Variants in GDAP2 observed in about 807,000 individuals in gnomAD.
The protein encoded by GDAP2 is ganglioside-induced differentiation-associated protein 2.
A neutral mutation model predicts 67.0 loss-of-function variants in GDAP2; 51 were observed. The observed-to-expected ratio is 0.76, with a 90% CI of 0.61 to 0.96. The LOEUF (loss-of-function observed/expected upper bound fraction) is 0.96. Ranked by LOEUF, GDAP2 falls within the 40% of genes least tolerant of loss-of-function variation. GDAP2 has a pLI of 0.00. For missense variants in GDAP2, 547 were observed against 588.3 expected, an observed-to-expected ratio of 0.93 and a Z score of 0.73; for synonymous variants, 203 against 207.3, an observed-to-expected ratio of 0.98 and a Z score of 0.18.
intron 5 of GDAP2, among the ~76,000 whole-genome samples, chr1:117,908,145 G>A (rs1649724691): frequency 6.6e-6 from 1 of 151,862 alleles, no homozygotes; most frequent in African/African-American, 2.4e-5. Flanking sequence ...ACCTAGCCAA[G>A]AGCCATCTCC....
In GDAP2 at chr1:117,920,177, A is replaced by G. The variant is rs769405824; in HGVS notation, c.176+5T>C. 9 of 1,554,702 alleles carry G rather than the reference A, an allele frequency of 5.8e-6. No individual in the cohort carries two copies. Among genetic ancestry groups the G allele is most frequent in the Non-Finnish European group, 7.1e-6 (8 of 1,131,258 alleles). ...CCTCATGATATGATGTAATCAAAAA[A>G]TTACCAAAGAACCACTTTTCCATTG... On this transcript the variant is annotated splice_donor_5th_base_variant and intron_variant, in intron 2 of 13. Coordinates refer to ENST00000369443, the MANE Select transcript of GDAP2 (RefSeq NM_017686.4).
intron 10 of GDAP2, among the ~76,000 whole-genome samples, chr1:117,884,316 T>C (rs567863051): frequency 6.6e-6 from 1 of 152,216 alleles, no homozygotes; most frequent in African/African-American, 2.4e-5. Flanking sequence ...AAATGATGAA[T>C]TTAAGAGAAA....
Position 117,886,622 on chromosome 1 carries a change from C to G in GDAP2, c.1062G>C (p.Val354=), listed in dbSNP as rs754437292. 3 of 1,592,704 alleles carry G rather than the reference C, an allele frequency of 1.9e-6. No homozygotes were observed. Among genetic ancestry groups the G allele is most frequent in the Admixed American group, 1.7e-5 (1 of 59,948 alleles). ...GVDNCGRTVM[V]VVGRNIPVTL... ...TTACAGGAATGTTTCTTCCAACTAC[C>G]ACCATCACTGTTCGACCACAGTTAT... The change falls in exon 10 of 14, where the codon GTG becomes GTC. Residue 354 remains valine, a synonymous_variant. Transcript: ENST00000369443.
chr1:117,925,451 C>G (rs1017364450), intron 1 of GDAP2, among the ~76,000 whole-genome samples: 3 of 151,444 alleles, frequency 2.0e-5, no homozygotes, highest in African/African-American at 7.3e-5. Flanking sequence ...AACCCTATCT[C>G]AAAAAAGAAA....
Position 117,877,989 on chromosome 1 carries a change from G to A in GDAP2, c.1446+20C>T. ...TTAATATACCATACCAGGTGAGGGA[G>A]AACTTCTGGTACTTCTTACCCTGGC... On this transcript the variant is annotated intron_variant, in intron 13 of 13. Coordinates refer to ENST00000369443, the MANE Select transcript of GDAP2 (RefSeq NM_017686.4). The A allele has an allele frequency of 1.2e-6, 2 of 1,612,430 alleles. No homozygotes were observed. The highest frequency in any genetic ancestry group is 8.5e-7 in the Non-Finnish European group (1 of 1,178,780).
intron 1 of GDAP2, among the ~76,000 whole-genome samples, chr1:117,920,961 G>A (rs1304206618): frequency 6.6e-6 from 1 of 152,134 alleles, no homozygotes; most frequent in African/African-American, 2.4e-5. Flanking sequence ...AGGATGAACA[G>A]GAGTTGACAA....
At chr1:117,898,647 A>G (rs932632269) in intron 7 of GDAP2, among the ~76,000 whole-genome samples, 2 of 152,220 alleles carry the variant, frequency 1.3e-5, no homozygotes, top group Non-Finnish European at 2.9e-5. Flanking sequence ...CTACAACAGT[A>G]TATAACCCAA....
At chr1:117,884,810 C>A (rs1482029640) in intron 10 of GDAP2, among the ~76,000 whole-genome samples, 8 of 106,738 alleles carry the variant, frequency 7.5e-5, no homozygotes, top group African/African-American at 2.7e-4. Context: ...AGTTTATTCC[C>A]TCCGTGTGTG....
At chr1:117,880,295 C>T (rs1023513894) in intron 12 of GDAP2, among the ~76,000 whole-genome samples, 2 of 152,132 alleles carry the variant, frequency 1.3e-5, no homozygotes, top group African/African-American at 2.4e-5. Flanking sequence ...CCAAGACAAA[C>T]TGTGTCAAGG....
chr1:117,901,693 T>G (rs975963437), intron 6 of GDAP2, among the ~76,000 whole-genome samples: 2 of 152,328 alleles, frequency 1.3e-5, no homozygotes, highest in African/African-American at 4.8e-5. Context: ...ATGTTTAATT[T>G]TTTTTTTCTA....
intron 8 of GDAP2, among the ~76,000 whole-genome samples, chr1:117,893,986 A>AT (rs1196548721): frequency 6.6e-6 from 1 of 152,156 alleles, no homozygotes; most frequent in Non-Finnish European, 1.5e-5. Flanking sequence ...GAAGAGTTGT[A>AT]TTTTTTAACT....
Position 117,865,826 on chromosome 1 carries a change from A to G in GDAP2, c.*4743T>C, listed in dbSNP as rs1360536706. The G allele has an allele frequency of 6.6e-6, 1 of 152,224 alleles. No homozygotes were observed. The highest frequency in any genetic ancestry group is 2.4e-5 in the African/African-American group (1 of 41,454). 9.4% of individuals were successfully genotyped at this position (152,224 alleles called of 1,614,324 possible). On this transcript the variant is annotated 3_prime_UTR_variant, in exon 14 of 14. Coordinates refer to ENST00000369443, the MANE Select transcript of GDAP2 (RefSeq NM_017686.4). Reference sequence around the variant, plus strand: ...AAAATAACTAATATACAAGAGAGTCACTAATATCTAAAATGATCTTGATAC... The same window carrying G: ...AAAATAACTAATATACAAGAGAGTCGCTAATATCTAAAATGATCTTGATAC...
Position 117,870,601 on chromosome 1 carries a change from AG to A in GDAP2, c.1461del (p.Tyr488IlefsTer29). 6.2e-7 allele frequency: 1 copy of A among 1,603,398 alleles called. No homozygotes were observed. Among genetic ancestry groups the A allele is most frequent in the Non-Finnish European group, 8.5e-7 (1 of 1,170,310 alleles). On this transcript the variant is annotated frameshift_variant, in exon 14 of 14. Transcript: ENST00000369443. LOFTEE classifies it high-confidence loss of function. The part of the protein sequence containing the change: ...LEYDARENGP[Y>X]YTSYPPSPDL ...TCTGGTGATGGGGGATATGATGTAT[AG>A]TAAGGCCCGTTTTCCTGTGGAAAGA... is the stretch of plus-strand genomic sequence containing the variant.
chr1:117,928,106 C>T (rs1275473315), intron 1 of GDAP2, among the ~76,000 whole-genome samples: 2 of 152,006 alleles, frequency 1.3e-5, no homozygotes, highest in African/African-American at 2.4e-5. Flanking sequence ...AAAATCATGA[C>T]TCATTCAAAT....
chr1:117,927,935 G>A (rs768571957), intron 1 of GDAP2, among the ~76,000 whole-genome samples: 12 of 152,132 alleles, frequency 7.9e-5, no homozygotes, highest in Non-Finnish European at 1.5e-4. Flanking sequence ...AGGAAGTAGA[G>A]TTACATCCTT....
At chr1:117,877,766 C>G (rs1648513922) in intron 13 of GDAP2, 1 of 1,211,422 alleles carries the variant, frequency 8.3e-7, no homozygotes, top group Admixed American at 4.3e-5. Context: ...AAAATTGGTT[C>G]TGAACTCACA....
chr1:117,910,057 G>C (rs553031101), intron 5 of GDAP2, among the ~76,000 whole-genome samples: 2 of 152,252 alleles, frequency 1.3e-5, no homozygotes, highest in African/African-American at 4.8e-5. Context: ...ATTATATCAA[G>C]GGAGGAATTT....
chr1:117,911,544 G>A (rs565515142), intron 5 of GDAP2, among the ~76,000 whole-genome samples: 6 of 151,932 alleles, frequency 3.9e-5, no homozygotes, highest in African/African-American at 1.2e-4. Flanking sequence ...TTTGGGGGCC[G>A]TCCAATTCAA....
At chr1:117,928,337 C>CT (rs1650534177) in intron 1 of GDAP2, among the ~76,000 whole-genome samples, 2 of 152,098 alleles carry the variant, frequency 1.3e-5, no homozygotes, top group Non-Finnish European at 2.9e-5. Flanking sequence ...TGAAAAATAG[C>CT]TTTTTTAGAA....
Sources: gnomAD v4.1 joint callset for allele counts (sites outside exome capture counted in the v4.1 genomes callset) on GRCh38, gnomAD v4.1.1 for gene constraint, MANE v1.5 for transcripts, NCBI Gene and HGNC (gene_info 2026-07-23, HGNC 2026-07-21) for gene names.